DLGAP2: variants seen among roughly 807,000 people sequenced by gnomAD.
The protein encoded by DLGAP2 is disks large-associated protein 2.
In DLGAP2, 26 loss-of-function variants were observed where a neutral mutation model predicts 100.3. The observed-to-expected ratio is 0.26, with a 90% CI of 0.19 to 0.36. DLGAP2 has a LOEUF of 0.36. Among genes scored for constraint, DLGAP2 ranks in the 10% least tolerant of loss-of-function variants. The pLI is 1.00. For missense variants in DLGAP2, 1,858 were observed against 1,453.2 expected (o/e 1.28, Z -4.53); for synonymous variants, 886 against 630.1 (o/e 1.41, Z -6.08).
intron 3 of DLGAP2, among the ~76,000 whole-genome samples, chr8:1,498,564 A>T (rs185007741): frequency 3.3e-4 from 50 of 152,328 alleles, no homozygotes; most frequent in African/African-American, 9.9e-4. Flanking sequence ...AATTTGGGCA[A>T]GAGCAGAAGA....
intron 3 of DLGAP2, among the ~76,000 whole-genome samples, chr8:1,457,914 A>G: frequency 6.7e-6 from 1 of 148,212 alleles, no homozygotes; most frequent in East Asian, 2.0e-4. Context: ...AAATTCCTTT[A>G]AACTATGATG....
intron 3 of DLGAP2, among the ~76,000 whole-genome samples, chr8:1,390,237 T>A (rs1563122008): frequency 6.6e-6 from 1 of 152,222 alleles, no homozygotes; most frequent in Non-Finnish European, 1.5e-5. Context: ...GAAAACCAGA[T>A]GGGAGCCTCT....
chr8:903,208 G>C (rs558701926), intron 1 of DLGAP2, among the ~76,000 whole-genome samples: 1 of 152,040 alleles, frequency 6.6e-6, no homozygotes, highest in African/African-American at 2.4e-5. Context: ...GTCACAGGTT[G>C]GTTGGGGCCA....
chr8:1,079,748 A>T (rs1234336269), intron 2 of DLGAP2, among the ~76,000 whole-genome samples: 1 of 152,178 alleles, frequency 6.6e-6, no homozygotes, highest in Non-Finnish European at 1.5e-5. Flanking sequence ...AATAGCAGCA[A>T]TCCAAGGCCG....
At chr8:1,181,549 G>C (rs913769584) in intron 2 of DLGAP2, among the ~76,000 whole-genome samples, 1 of 151,882 alleles carries the variant, frequency 6.6e-6, no homozygotes, top group African/African-American at 2.4e-5. Context: ...GGTTGAGGGT[G>C]GGAGAAGGGA....
intron 6 of DLGAP2, among the ~76,000 whole-genome samples, chr8:1,573,061 G>T (rs1273112762): frequency 1.3e-5 from 1 of 74,102 alleles, no homozygotes; most frequent in African/African-American, 5.9e-5. Flanking sequence ...AGAGGAGAGA[G>T]GGTGAACTGT....
chr8:1,500,183 A>T (rs987139228), intron 3 of DLGAP2, among the ~76,000 whole-genome samples: 1 of 152,246 alleles, frequency 6.6e-6, no homozygotes, highest in African/African-American at 2.4e-5. Flanking sequence ...ACATGTTTAC[A>T]TGCACATGTA....
chr8:810,087 CCTTT>C (rs1364566151), intron 1 of DLGAP2, among the ~76,000 whole-genome samples: 1 of 152,206 alleles, frequency 6.6e-6, no homozygotes, highest in African/African-American at 2.4e-5. Flanking sequence ...TGTGTCCATC[CCTTT>C]CTAACTACTG....
intron 2 of DLGAP2, among the ~76,000 whole-genome samples, chr8:1,211,154 T>C (rs781167107): frequency 1.1e-4 from 17 of 152,230 alleles, no homozygotes; most frequent in Admixed American, 3.3e-4. Flanking sequence ...CATGATCTCA[T>C]GTGAACAGGC....
At chr8:1,013,193 G>A (rs1342678542) in intron 2 of DLGAP2, among the ~76,000 whole-genome samples, 1 of 152,166 alleles carries the variant, frequency 6.6e-6, no homozygotes, top group Non-Finnish European at 1.5e-5. Flanking sequence ...CAATAGTCAA[G>A]GGCTATGTGT....
intron 1 of DLGAP2, among the ~76,000 whole-genome samples, chr8:856,448 A>G (rs940742683): frequency 6.6e-6 from 1 of 152,216 alleles, no homozygotes; most frequent in Non-Finnish European, 1.5e-5. Flanking sequence ...TCGGCCTCCC[A>G]TAGTGCTGGG....
At chr8:976,046 C>T (rs1193090356) in intron 2 of DLGAP2, among the ~76,000 whole-genome samples, 10 of 151,972 alleles carry the variant, frequency 6.6e-5, no homozygotes, top group East Asian at 1.9e-4. Flanking sequence ...TTCCTATACA[C>T]CAGCAATAAA....
At chr8:1,559,798 C>T (rs61185970) in intron 5 of DLGAP2, among the ~76,000 whole-genome samples, 1,774 of 152,316 alleles carry the variant, frequency 0.012, 46 homozygotes, top group African/African-American at 0.041. Context: ...AGAGTGGCAG[C>T]GTGAGCTCCC....
intron 3 of DLGAP2, among the ~76,000 whole-genome samples, chr8:1,367,042 G>C (rs1802125429): frequency 6.6e-6 from 1 of 151,578 alleles, no homozygotes; most frequent in Non-Finnish European, 1.5e-5. Context: ...ACACACACAT[G>C]TGACCACAGA....
At chr8:855,659 G>C (rs570569795) in intron 1 of DLGAP2, among the ~76,000 whole-genome samples, 2 of 152,320 alleles carry the variant, frequency 1.3e-5, no homozygotes, top group Non-Finnish European at 2.9e-5. Context: ...AAGAATGGAA[G>C]TGCAGGAAGT....
chr8:1,301,565 TTGA>T (rs1800341381), intron 3 of DLGAP2: 1 of 152,250 alleles, frequency 6.6e-6, no homozygotes, highest in Non-Finnish European at 1.5e-5. Flanking sequence ...TGTCACAATC[TTGA>T]TGGTCCCGAT....
At chr8:1,288,699 GGTTCT>G (rs1221455316) in intron 3 of DLGAP2, among the ~76,000 whole-genome samples, 6 of 148,286 alleles carry the variant, frequency 4.0e-5, no homozygotes, top group Non-Finnish European at 7.4e-5. Flanking sequence ...GTGTGTGTGT[GGTTCT>G]GTTAGGGGAA....
intron 2 of DLGAP2, among the ~76,000 whole-genome samples, chr8:1,157,597 G>A (rs965817608): frequency 4.6e-5 from 7 of 152,234 alleles, no homozygotes; most frequent in African/African-American, 1.7e-4. Context: ...CAACGGTGGC[G>A]CTGTGTTTGT....
intron 1 of DLGAP2, among the ~76,000 whole-genome samples, chr8:795,636 C>G (rs985456811): frequency 7.5e-6 from 1 of 133,182 alleles, no homozygotes; most frequent in Non-Finnish European, 1.7e-5. Flanking sequence ...GAGCAGGCGT[C>G]CAGTGAGAGC....
Sources: allele counts gnomAD v4.1 joint callset (sites outside exome capture counted in the v4.1 genomes callset), GRCh38; gene constraint gnomAD v4.1.1; transcripts MANE v1.5; gene names NCBI Gene and HGNC (gene_info 2026-07-23, HGNC 2026-07-21).